Variants in ACTN1 observed in about 807,000 individuals in gnomAD.
ACTN1 encodes the protein alpha-actinin-1.
Under a neutral mutation model 119.6 loss-of-function variants are expected in ACTN1, and 30 were observed. That is an observed-to-expected ratio of 0.25 (90% confidence interval 0.19 to 0.34). The LOEUF is 0.34. Ranked by LOEUF, ACTN1 falls within the 10% of genes least tolerant of loss-of-function variation. The pLI is 1.00. For synonymous variants in ACTN1, 429 were observed against 472.6 expected, an observed-to-expected ratio of 0.91 and a Z score of 1.20; for missense variants, 764 against 1,223.4, an observed-to-expected ratio of 0.62 and a Z score of 5.60.
In ACTN1 at chr14:68,874,929, G is replaced by A. The variant is rs756160188; in HGVS notation, c.2675C>T (p.Pro892Leu). Residue 892 changes from proline (P) to leucine (L), a missense_variant, in exon 22 of 22, where the codon CCC (proline) becomes CTC (leucine). Coordinates refer to ENST00000394419, the MANE Select transcript of ACTN1 (RefSeq NM_001130004.2). ...GTCCAGAGCACCTGGCACGGAGTCG[G>A]GGCCGGTGTAGGGGGCCATCCGCGC... ...CIARMAPYTGPDSVPGALDYM... is the reference protein window; with the variant it reads ...CIARMAPYTGLDSVPGALDYM... The A allele has an allele frequency of 1.9e-6, 3 of 1,612,392 alleles. No homozygotes were observed. In the South Asian group the frequency reaches 3.3e-5, roughly 18 times the overall value.
intron 6 of ACTN1, 86 bp from the exon 7 acceptor site, chr14:68,904,822 G>A: frequency 8.8e-7 from 1 of 1,135,082 alleles, no homozygotes; most frequent in Admixed American, 1.8e-5. Context: ...CACCCAAACT[G>A]GGGAGCAGAG....
chr14:68,895,144 C>A (rs1462756676), intron 8 of ACTN1, among the ~76,000 whole-genome samples: 1 of 151,880 alleles, frequency 6.6e-6, no homozygotes, highest in Non-Finnish European at 1.5e-5. Context: ...GTTGGGAGAA[C>A]CAATAAGGAG....
intron 3 of ACTN1, among the ~76,000 whole-genome samples, chr14:68,920,669 A>T (rs918374535): frequency 6.6e-6 from 1 of 152,054 alleles, no homozygotes; most frequent in Non-Finnish European, 1.5e-5. Context: ...CAGCCCATAC[A>T]CAAATCCTCT....
intron 1 of ACTN1, among the ~76,000 whole-genome samples, chr14:68,975,917 C>A (rs2037044493): frequency 6.6e-6 from 1 of 152,158 alleles, no homozygotes; most frequent in South Asian, 2.1e-4. Context: ...CATACTTTCA[C>A]CAAGGAAGCA....
In ACTN1 at chr14:68,874,933, C is replaced by G; in HGVS notation, c.2671G>C (p.Gly891Arg). The change falls in exon 22 of 22, where the codon GGC (glycine) becomes CGC (arginine). Residue 891 changes from glycine (G) to arginine (R), a missense_variant. Transcript: ENST00000394419. ...YCIARMAPYT[G>R]PDSVPGALDY... ...AGAGCACCTGGCACGGAGTCGGGGC[C>G]GGTGTAGGGGGCCATCCGCGCGATG... 6.2e-7 allele frequency: 1 copy of G among 1,612,486 alleles called. No homozygotes were observed. The highest frequency in any genetic ancestry group is 1.1e-5 in the South Asian group (1 of 91,054).
intron 8 of ACTN1, among the ~76,000 whole-genome samples, chr14:68,897,895 G>A (rs1475688845): frequency 4.6e-5 from 7 of 152,246 alleles, no homozygotes; most frequent in African/African-American, 1.4e-4. Flanking sequence ...CTCTCCTACT[G>A]CAGGCTCCGC....
Position 68,965,945 on chromosome 14 carries a change from A to G in ACTN1, c.105+13007T>C, listed in dbSNP as rs147716003. Among the ~76,000 whole-genome samples the G allele has an allele frequency of 7.5e-3, 1,146 of 152,296 alleles. 6 individuals are homozygous for G. Among genetic ancestry groups the G allele is most frequent in the Non-Finnish European group, 0.012 (820 of 68,012 alleles). ...TTAGAAGTGCCTGACTCGGATGAGT[A>G]TGGTGGTTCATGCCTGTAATCCCAG... On this transcript the variant is annotated intron_variant, in intron 1 of 21. Transcript: ENST00000394419.
At chr14:68,965,474 T>C (rs1021553312) in intron 1 of ACTN1, among the ~76,000 whole-genome samples, 1 of 151,894 alleles carries the variant, frequency 6.6e-6, no homozygotes, top group African/African-American at 2.4e-5. Flanking sequence ...GGCCTGTGGG[T>C]CAGCCAAGTC....
At chr14:68,974,324 G>C (rs1460621952) in intron 1 of ACTN1, 1 of 152,808 alleles carries the variant, frequency 6.5e-6, no homozygotes, top group Non-Finnish European at 1.5e-5. Flanking sequence ...GCTCATGCCT[G>C]TAATCCCAGC....
intron 1 of ACTN1, among the ~76,000 whole-genome samples, chr14:68,937,821 G>C (rs1200203398): frequency 1.3e-5 from 2 of 152,212 alleles, no homozygotes; most frequent in Non-Finnish European, 2.9e-5. Context: ...CAAGCACCCT[G>C]CCAGCCCAAG....
At chr14:68,875,194 CACA>C (rs1406790324) in intron 21 of ACTN1, 177 bp from the exon 22 acceptor site, 1 of 1,466,810 alleles carries the variant, frequency 6.8e-7, no homozygotes, top group African/African-American at 1.4e-5. Flanking sequence ...ATACCGCATA[CACA>C]ACATGTATTT....
At chr14:68,963,076 C>A (rs2036590669) in intron 1 of ACTN1, among the ~76,000 whole-genome samples, 2 of 152,202 alleles carry the variant, frequency 1.3e-5, no homozygotes, top group African/African-American at 4.8e-5. Flanking sequence ...CTCCCTTTTT[C>A]TTACCTTTGG....
chr14:68,956,230 C>T (rs1333091946), intron 1 of ACTN1, among the ~76,000 whole-genome samples: 1 of 152,096 alleles, frequency 6.6e-6, no homozygotes, highest in Non-Finnish European at 1.5e-5. Flanking sequence ...CTCTGGGAAG[C>T]AGAGGGAGGG....
intron 1 of ACTN1, among the ~76,000 whole-genome samples, chr14:68,928,991 G>C (rs12887523): frequency 3.0e-4 from 19 of 64,120 alleles, no homozygotes; most frequent in African/African-American, 8.1e-4. Flanking sequence ...TGGGAGAGGG[G>C]TGGAACTGTG....
intron 1 of ACTN1, among the ~76,000 whole-genome samples, chr14:68,928,658 A>G (rs2035050275): frequency 6.6e-6 from 1 of 152,208 alleles, no homozygotes; most frequent in Non-Finnish European, 1.5e-5. Flanking sequence ...GATTAACTCA[A>G]AAACATCTGT....
chr14:68,945,346 C>T (rs77514578), intron 1 of ACTN1, among the ~76,000 whole-genome samples: 2,152 of 151,552 alleles, frequency 0.014, 27 homozygotes, highest in Non-Finnish European at 0.022. Context: ...CATGGGTGTT[C>T]GGGTTCCTGC....
At position 68,882,384 on chromosome 14, in the gene ACTN1, C is replaced by T; in HGVS notation, c.1953+74G>A. The T allele has an allele frequency of 6.4e-7, 1 of 1,569,596 alleles. No homozygotes were observed. The highest frequency in any genetic ancestry group is 8.7e-7 in the Non-Finnish European group (1 of 1,154,090). On this transcript the variant is annotated intron_variant, in intron 16 of 21. Transcript: ENST00000394419. This position sits in a 1 kb window ranked among gnomAD's most constrained non-coding sequence, Gnocchi z 4.5. The stretch of plus-strand genomic sequence containing the variant: ...CATGGGTCCCACCCAGGGAGACAGG[C>T]AGCCTGGCTGGCTAGGATAGTGTCG...
intron 3 of ACTN1, among the ~76,000 whole-genome samples, chr14:68,915,275 C>T (rs1300040645): frequency 3.3e-5 from 5 of 151,174 alleles, no homozygotes; most frequent in African/African-American, 1.2e-4. Context: ...CCTCCTTCTC[C>T]TCCTCCTCCT....
intron 1 of ACTN1, among the ~76,000 whole-genome samples, chr14:68,959,584 T>A (rs2036458508): frequency 6.6e-6 from 1 of 152,150 alleles, no homozygotes; most frequent in Non-Finnish European, 1.5e-5. Context: ...AAAACTAACC[T>A]CTTTTAATAT....
Sources: allele counts gnomAD v4.1 joint callset (sites outside exome capture counted in the v4.1 genomes callset), GRCh38; gene constraint gnomAD v4.1.1; non-coding constraint Gnocchi (gnomAD v3.1); transcripts MANE v1.5; gene names NCBI Gene and HGNC (gene_info 2026-07-23, HGNC 2026-07-21).